The following SULF2 variants were observed in gnomAD, a reference collection of about 807,000 sequenced individuals.
The protein encoded by SULF2 is extracellular sulfatase Sulf-2.
Under a neutral mutation model 107.7 loss-of-function variants are expected in SULF2, and 52 were observed. The observed-to-expected ratio is 0.48, with a 90% CI of 0.39 to 0.61. The LOEUF is 0.61. Ranked by LOEUF, SULF2 falls within the 20% of genes least tolerant of loss-of-function variation. SULF2 has a pLI of 0.00. For synonymous variants in SULF2, 460 were observed against 464.3 expected (o/e 0.99, Z 0.12); for missense variants, 993 against 1,177.3 (o/e 0.84, Z 2.29).
chr20:47,781,662 G>A (rs966441369), intron 1 of SULF2, among the ~76,000 whole-genome samples: 7 of 152,042 alleles, frequency 4.6e-5, no homozygotes, highest in Non-Finnish European at 7.4e-5. Flanking sequence ...TGGGTCAGAC[G>A]CCCTGCTAAG....
chr20:47,731,185 C>CTTTTTTTTTTTTTTT (rs199660759), intron 3 of SULF2, among the ~76,000 whole-genome samples: 6 of 93,332 alleles, frequency 6.4e-5, no homozygotes, highest in African/African-American at 3.5e-4. Context: ...CCTGTATCTT[C>CTTTTTTTTTTTTTTT]TCTTTTTTTT....
chr20:47,665,908 C>A lies in SULF2; in HGVS notation c.1851G>T (p.Leu617=), dbSNP rs1324449750. 1.2e-6 allele frequency: 2 copies of A among 1,614,102 alleles called. No individual in the cohort carries two copies. The highest frequency in any genetic ancestry group is 2.2e-5 in the South Asian group (2 of 91,086). ...ENDTVQCDLD[L]YKSLQAWKDH... is the part of the protein sequence containing the mutation. ...CTTTCCAGGCCTGCAGGGACTTGTA[C>A]AGGTCCAGGTCACACTGGACTGTGT... The change falls in exon 13 of 21, where the codon CTG becomes CTT. Residue 617 remains leucine, a synonymous_variant. Coordinates refer to ENST00000688720, the MANE Select transcript of SULF2 (RefSeq NM_001387048.1).
intron 1 of SULF2, 92 bp from the exon 2 acceptor site, chr20:47,757,555 C>A (rs1386583176): frequency 1.6e-6 from 1 of 643,648 alleles, no homozygotes; most frequent in Non-Finnish European, 2.6e-6. Flanking sequence ...CTGGCATGAA[C>A]AATGGGAGTT....
At chr20:47,741,167 G>C (rs745604589) in intron 2 of SULF2, among the ~76,000 whole-genome samples, 1 of 152,050 alleles carries the variant, frequency 6.6e-6, no homozygotes, top group Non-Finnish European at 1.5e-5. Flanking sequence ...CACTCTCCGG[G>C]GCTCCTGCTC....
At chr20:47,736,261 A>G (rs2089727161) in intron 3 of SULF2, among the ~76,000 whole-genome samples, 1 of 152,136 alleles carries the variant, frequency 6.6e-6, no homozygotes. Flanking sequence ...GCCACGTAGA[A>G]AGCGACCACA....
At chr20:47,769,835 T>C (rs1473958027) in intron 1 of SULF2, among the ~76,000 whole-genome samples, 1 of 152,012 alleles carries the variant, frequency 6.6e-6, no homozygotes, top group Non-Finnish European at 1.5e-5. Context: ...AGCGAAGGCC[T>C]GAGAGATGAC....
At chr20:47,693,544 C>T (rs556265468) in intron 4 of SULF2, among the ~76,000 whole-genome samples, 30 of 152,326 alleles carry the variant, frequency 2.0e-4, no homozygotes, top group African/African-American at 4.8e-4. Flanking sequence ...AACAGAGCTA[C>T]GTGGATGAAC....
At chr20:47,736,059 G>A (rs1340033723) in intron 3 of SULF2, among the ~76,000 whole-genome samples, 3 of 152,144 alleles carry the variant, frequency 2.0e-5, no homozygotes, top group Non-Finnish European at 2.9e-5. Flanking sequence ...TTGCAATGGC[G>A]CTACAGGTAA....
intron 5 of SULF2, among the ~76,000 whole-genome samples, chr20:47,687,250 G>A (rs1013394468): frequency 6.6e-6 from 1 of 152,142 alleles, no homozygotes; most frequent in Non-Finnish European, 1.5e-5. Context: ...CAGCAGAGCC[G>A]GGTGGTGCTT....
At position 47,664,198 on chromosome 20, in the gene SULF2, G is replaced by A; in HGVS notation, c.1998-9C>T. 6 of 1,609,636 alleles carry A rather than the reference G, an allele frequency of 3.7e-6. No homozygotes were observed. The highest frequency in any genetic ancestry group is 4.2e-6 in the Non-Finnish European group (5 of 1,178,402). On this transcript the variant is annotated splice_polypyrimidine_tract_variant and intron_variant, in intron 14 of 20. Coordinates refer to ENST00000688720, the MANE Select transcript of SULF2 (RefSeq NM_001387048.1). ...TGTGCTGGGTGTGGTAGCTGTAACA[G>A]ACCCCCCCAGCCCCAGGCTTCAGGA...
At chr20:47,766,491 A>T (rs1360105323) in intron 1 of SULF2, among the ~76,000 whole-genome samples, 1 of 152,218 alleles carries the variant, frequency 6.6e-6, no homozygotes, top group Non-Finnish European at 1.5e-5. Context: ...AAAGGAAATT[A>T]GGGCATAAAG....
In SULF2 at chr20:47,736,528, A is replaced by G. The variant is rs142998439; in HGVS notation, c.415+175T>C. ...TTTACATCACTACTGTAGGCAAATAAATCTGTATTTCTTTAATACACACAG... is the reference window on the plus strand; with the variant it reads ...TTTACATCACTACTGTAGGCAAATAGATCTGTATTTCTTTAATACACACAG... On this transcript the variant is annotated intron_variant, in intron 3 of 20. Coordinates refer to ENST00000688720, the MANE Select transcript of SULF2 (RefSeq NM_001387048.1). 2.3e-3 allele frequency among the ~76,000 whole-genome samples: 345 copies of G among 152,290 alleles called. 8 individuals carry two copies. In the East Asian group the frequency reaches 0.034, roughly 15 times the overall value.
intron 2 of SULF2, among the ~76,000 whole-genome samples, chr20:47,754,795 T>C (rs983346481): frequency 6.6e-6 from 1 of 152,238 alleles, no homozygotes; most frequent in Non-Finnish European, 1.5e-5. Context: ...TCTGGCTAAA[T>C]AGAGCAGTGG....
intron 3 of SULF2, among the ~76,000 whole-genome samples, chr20:47,735,459 G>A (rs1050329288): frequency 2.6e-5 from 4 of 152,194 alleles, no homozygotes; most frequent in Non-Finnish European, 4.4e-5. Context: ...GAGCCAAGTT[G>A]CAGGTGCATC....
chr20:47,693,869 G>C (rs537800972), intron 4 of SULF2, among the ~76,000 whole-genome samples: 1 of 152,330 alleles, frequency 6.6e-6, no homozygotes, highest in Admixed American at 6.5e-5. Context: ...TCTTGAGGCT[G>C]ACAGGCAGGT....
chr20:47,669,512 G>A lies in SULF2; in HGVS notation c.1576+2686C>T, dbSNP rs555611916. 1.6e-4 allele frequency among the ~76,000 whole-genome samples: 25 copies of A among 152,318 alleles called. No homozygotes were observed. In the South Asian group the frequency reaches 5.0e-3, roughly 30 times the overall value. ...AAACTGTCTCCAAACATTGCCAAGT[G>A]TCCCCTGGGGGACAGAAAGCCCCCA... On this transcript the variant is annotated intron_variant, in intron 11 of 20. Transcript: ENST00000688720.
Position 47,736,943 on chromosome 20 carries a change from C to A in SULF2, c.176-1G>T. 6.2e-7 allele frequency: 1 copy of A among 1,614,150 alleles called. No individual in the cohort carries two copies. The highest frequency in any genetic ancestry group is 8.5e-7 in the Non-Finnish European group (1 of 1,180,010). On this transcript the variant is annotated splice_acceptor_variant, in intron 2 of 20. Transcript: ENST00000688720. LOFTEE classifies it high-confidence loss of function. Reference sequence around the variant, plus strand: ...GTCTTGTTCATCACCTGCATGGAACCTGCAAGTCAAGGGTGGAAGTAAGGC... The same window carrying A: ...GTCTTGTTCATCACCTGCATGGAACATGCAAGTCAAGGGTGGAAGTAAGGC...
intron 1 of SULF2, among the ~76,000 whole-genome samples, chr20:47,773,746 G>A (rs900614923): frequency 1.3e-5 from 2 of 152,194 alleles, no homozygotes; most frequent in African/African-American, 2.4e-5. Context: ...CATTATTCAC[G>A]CCTAACTGTG....
chr20:47,778,978 C>T (rs1016348047), intron 1 of SULF2, among the ~76,000 whole-genome samples: 14 of 152,192 alleles, frequency 9.2e-5, no homozygotes, highest in South Asian at 2.1e-4. Flanking sequence ...CAGACATCCA[C>T]GTTCACCACC....
Sources: allele counts gnomAD v4.1 joint callset (sites outside exome capture counted in the v4.1 genomes callset), GRCh38; gene constraint gnomAD v4.1.1; transcripts MANE v1.5; gene names NCBI Gene and HGNC (gene_info 2026-07-23, HGNC 2026-07-21).